COL14A1: variants seen among roughly 807,000 people sequenced by gnomAD.
The protein encoded by COL14A1 is collagen alpha-1(XIV) chain.
In COL14A1, 136 loss-of-function variants were observed where a neutral mutation model predicts 230.3. The ratio of observed to expected loss-of-function variants is 0.59; its 90% CI spans 0.51 to 0.68. The LOEUF is 0.68. Among genes scored for constraint, COL14A1 ranks in the 30% least tolerant of loss-of-function variants. The probability of loss-of-function intolerance (pLI) is 0.00; values close to 1 mark genes in which losing one functional copy is unlikely to be tolerated. For synonymous variants in COL14A1, 792 were observed against 784.1 expected (o/e 1.01, Z -0.17); for missense variants, 1,976 against 2,215.8 (o/e 0.89, Z 2.17).
intron 13 of COL14A1, 146 bp downstream of exon 13, chr8:120,212,723 A>G (rs1817649000): frequency 1.2e-6 from 1 of 845,456 alleles, no homozygotes; most frequent in Admixed American, 3.0e-5. Context: ...AGGGCAAGGA[A>G]ATGTATTTCT....
intron 37 of COL14A1, among the ~76,000 whole-genome samples, chr8:120,313,045 A>C (rs892188042): frequency 5.3e-5 from 8 of 152,168 alleles, no homozygotes; most frequent in Non-Finnish European, 1.2e-4. Flanking sequence ...GGTAAAAGGG[A>C]TGTCTGATCC....
intron 40 of COL14A1, among the ~76,000 whole-genome samples, chr8:120,318,163 A>G (rs1214158207): frequency 2.6e-5 from 4 of 152,236 alleles, no homozygotes; most frequent in South Asian, 2.1e-4. Flanking sequence ...GAAGGACCAC[A>G]TATTTTTAAT....
intron 23 of COL14A1, among the ~76,000 whole-genome samples, chr8:120,261,353 C>T (rs1227957904): frequency 1.3e-5 from 2 of 152,170 alleles, no homozygotes; most frequent in African/African-American, 4.8e-5. Context: ...TTATAAGAAT[C>T]AAATGAGATA....
intron 29 of COL14A1, 111 bp from the exon 30 acceptor site, chr8:120,280,600 C>T (rs762973816): frequency 1.9e-4 from 193 of 1,024,978 alleles, no homozygotes; most frequent in Non-Finnish European, 2.7e-4. Context: ...GTATTCTCTC[C>T]ACAATCAACT....
At chr8:120,241,959 C>T (rs754946555) in intron 19 of COL14A1, among the ~76,000 whole-genome samples, 6 of 152,114 alleles carry the variant, frequency 3.9e-5, no homozygotes, top group African/African-American at 7.2e-5. Flanking sequence ...AAATCCAAAA[C>T]GTTTTGAACA....
rs2129652704 is a variant in COL14A1 at position 120,247,744 on chromosome 8, T to C, written c.2602+9T>C. On this transcript the variant is annotated intron_variant, in intron 21 of 47. Transcript: ENST00000297848. ...CTACAAACCTGTCAGTGGTAAGTAA[T>C]GCTTTGTAAATAATGTTGATACCAT... 6.2e-7 allele frequency: 1 copy of C among 1,612,684 alleles called. No homozygotes were observed. The highest frequency in any genetic ancestry group is 1.3e-5 in the African/African-American group (1 of 74,962).
intron 20 of COL14A1, among the ~76,000 whole-genome samples, chr8:120,244,811 T>C (rs1818714479): frequency 6.6e-6 from 1 of 152,214 alleles, no homozygotes; most frequent in South Asian, 2.1e-4. Context: ...TCTCCTATTC[T>C]TCTTATAGCA....
intron 37 of COL14A1, among the ~76,000 whole-genome samples, chr8:120,312,770 A>G (rs1821085621): frequency 1.3e-5 from 2 of 152,158 alleles, no homozygotes; most frequent in Non-Finnish European, 2.9e-5. Flanking sequence ...GTCTGCACTC[A>G]TTATCTACCC....
At chr8:120,150,679 T>C (rs1198573913) in intron 2 of COL14A1, among the ~76,000 whole-genome samples, 2 of 152,104 alleles carry the variant, frequency 1.3e-5, no homozygotes, top group Admixed American at 1.3e-4. Flanking sequence ...TAGACATTTG[T>C]TGAAGAGTTT....
chr8:120,157,630 A>G (rs1815522734), intron 2 of COL14A1, among the ~76,000 whole-genome samples: 1 of 152,182 alleles, frequency 6.6e-6, no homozygotes, highest in African/African-American at 2.4e-5. Context: ...GTAAGAAACA[A>G]ATGCCTTTAG....
chr8:120,251,755 C>T (rs2129686143), intron 22 of COL14A1, among the ~76,000 whole-genome samples: 1 of 152,116 alleles, frequency 6.6e-6, no homozygotes, highest in Non-Finnish European at 1.5e-5. Flanking sequence ...AATATTTTCT[C>T]CTCTACTAGC....
intron 5 of COL14A1, among the ~76,000 whole-genome samples, chr8:120,180,976 G>T (rs536353393): frequency 1.4e-4 from 21 of 152,180 alleles, no homozygotes; most frequent in African/African-American, 4.8e-4. Context: ...CAAAGTGCTG[G>T]GATTACAGGC....
intron 5 of COL14A1, among the ~76,000 whole-genome samples, chr8:120,183,450 A>G (rs1002333965): frequency 3.3e-5 from 5 of 152,130 alleles, no homozygotes; most frequent in African/African-American, 1.2e-4. Context: ...ATTTCCCAAG[A>G]CAGTCATCTT....
intron 5 of COL14A1, among the ~76,000 whole-genome samples, chr8:120,172,410 C>T (rs1816123390): frequency 6.6e-6 from 1 of 152,146 alleles, no homozygotes; most frequent in African/African-American, 2.4e-5. Context: ...CTCTGTCTCC[C>T]AAAGTGCTGG....
At chr8:120,185,693 A>C (rs73321672) in intron 5 of COL14A1, among the ~76,000 whole-genome samples, 1 of 152,138 alleles carries the variant, frequency 6.6e-6, no homozygotes, top group Non-Finnish European at 1.5e-5. Context: ...AGAAAAAAAT[A>C]GCTGTTATCC....
intron 45 of COL14A1, among the ~76,000 whole-genome samples, chr8:120,351,536 TA>T (rs1822778091): frequency 1.0e-5 from 1 of 100,092 alleles, no homozygotes; most frequent in African/African-American, 4.4e-5. Flanking sequence ...ATAGACACAA[TA>T]AAAAATGATA....
chr8:120,281,584 T>C (rs1164471546), intron 31 of COL14A1, among the ~76,000 whole-genome samples: 1 of 130,970 alleles, frequency 7.6e-6, no homozygotes, highest in Non-Finnish European at 1.7e-5. Context: ...AAAAAAAAAG[T>C]TGATACTTAT....
intron 5 of COL14A1, among the ~76,000 whole-genome samples, chr8:120,195,503 G>A (rs1563664730): frequency 2.6e-5 from 4 of 152,094 alleles, no homozygotes; most frequent in African/African-American, 7.2e-5. Flanking sequence ...GGTACTAAAA[G>A]TATTGGTCTG....
intron 45 of COL14A1, among the ~76,000 whole-genome samples, chr8:120,347,528 T>C (rs896336456): frequency 2.0e-5 from 3 of 152,158 alleles, no homozygotes; most frequent in African/African-American, 7.2e-5. Flanking sequence ...TTATTTCAGC[T>C]GCAGCTTGGA....
Sources: gnomAD v4.1 joint callset for allele counts (sites outside exome capture counted in the v4.1 genomes callset) on GRCh38, gnomAD v4.1.1 for gene constraint, MANE v1.5 for transcripts, NCBI Gene and HGNC (gene_info 2026-07-23, HGNC 2026-07-21) for gene names.